Variants in FOXN2 observed in about 807,000 individuals in gnomAD.
FOXN2 encodes the protein forkhead box protein N2.
FOXN2 carries 19 observed loss-of-function variants against 41.2 expected under a neutral mutation model. The ratio of observed to expected loss-of-function variants is 0.46; its 90% CI spans 0.32 to 0.68. FOXN2 has a LOEUF of 0.68. FOXN2 is among the 30% of genes least tolerant of loss of function. FOXN2 has a pLI of 0.03. For missense variants in FOXN2, 587 were observed against 509.4 expected (o/e 1.15, Z -1.47); for synonymous variants, 195 against 176.8 (o/e 1.10, Z -0.82).
chr2:48,317,413 C>T (rs1179497832), intron 1 of FOXN2, among the ~76,000 whole-genome samples: 1 of 149,376 alleles, frequency 6.7e-6, no homozygotes, highest in Non-Finnish European at 1.5e-5. Flanking sequence ...CATGCCACTG[C>T]ACTCCAGCCT....
intron 3 of FOXN2, among the ~76,000 whole-genome samples, chr2:48,356,043 T>G (rs1026775793): frequency 1.3e-5 from 2 of 152,162 alleles, no homozygotes; most frequent in Non-Finnish European, 2.9e-5. Context: ...GACAATCACT[T>G]GAACCCGGAG....
intron 2 of FOXN2, chr2:48,340,653 C>G (rs1670695226): frequency 6.6e-6 from 1 of 152,140 alleles, no homozygotes; most frequent in African/African-American, 2.4e-5. Flanking sequence ...TATTTTTATT[C>G]ATTTTTCTTA....
intron 1 of FOXN2, among the ~76,000 whole-genome samples, chr2:48,318,290 T>C (rs1319174750): frequency 6.6e-6 from 1 of 152,226 alleles, no homozygotes; most frequent in Non-Finnish European, 1.5e-5. Context: ...AATTTCACTT[T>C]CTATGACTTC....
At chr2:48,361,304 A>C (rs1213386080) in intron 4 of FOXN2, among the ~76,000 whole-genome samples, 1 of 151,996 alleles carries the variant, frequency 6.6e-6, no homozygotes, top group African/African-American at 2.4e-5. Flanking sequence ...CGTCTCTACC[A>C]AAAATACAAA....
At chr2:48,352,540 C>T (rs1006099473) in intron 3 of FOXN2, among the ~76,000 whole-genome samples, 17 of 152,068 alleles carry the variant, frequency 1.1e-4, no homozygotes, top group Non-Finnish European at 2.2e-4. Flanking sequence ...CTTAATATGT[C>T]GTCTGTGATC....
chr2:48,358,675 T>C (rs750547329), intron 3 of FOXN2, among the ~76,000 whole-genome samples: 3 of 152,238 alleles, frequency 2.0e-5, no homozygotes, highest in Non-Finnish European at 4.4e-5. Context: ...CATAGAAGAT[T>C]TGATACACGC....
intron 2 of FOXN2, among the ~76,000 whole-genome samples, chr2:48,329,205 C>T (rs1669873996): frequency 6.6e-6 from 1 of 152,092 alleles, no homozygotes; most frequent in African/African-American, 2.4e-5. Flanking sequence ...AATGCTGCAA[C>T]ATTGTGTAGA....
intron 1 of FOXN2, among the ~76,000 whole-genome samples, chr2:48,322,857 CTCTT>C (rs1226163534): frequency 6.7e-6 from 1 of 149,238 alleles, no homozygotes; most frequent in African/African-American, 2.4e-5. Flanking sequence ...CTTTGAGCAT[CTCTT>C]TCAGACTTGC....
At chr2:48,329,427 C>CA (rs1669891437) in intron 2 of FOXN2, among the ~76,000 whole-genome samples, 3 of 151,992 alleles carry the variant, frequency 2.0e-5, no homozygotes. Flanking sequence ...TCCCCCCACT[C>CA]ACTTTTATTT....
intron 2 of FOXN2, among the ~76,000 whole-genome samples, chr2:48,334,289 G>C (rs1218549677): frequency 6.6e-6 from 1 of 152,190 alleles, no homozygotes; most frequent in Non-Finnish European, 1.5e-5. Flanking sequence ...TGTGTGGCCT[G>C]TAGAATGTAT....
chr2:48,357,107 C>G (rs1352519641), intron 3 of FOXN2, among the ~76,000 whole-genome samples: 1 of 152,138 alleles, frequency 6.6e-6, no homozygotes, highest in Non-Finnish European at 1.5e-5. Flanking sequence ...AGTTTTATCT[C>G]TTGTTCATGA....
chr2:48,324,569 A>T (rs987243206), intron 1 of FOXN2, among the ~76,000 whole-genome samples: 7 of 152,058 alleles, frequency 4.6e-5, no homozygotes, highest in South Asian at 2.1e-4. Flanking sequence ...ACAAAACTTG[A>T]TGTGGTATGA....
chr2:48,367,202 A>AT (rs1299184631), intron 5 of FOXN2, among the ~76,000 whole-genome samples: 6 of 152,036 alleles, frequency 3.9e-5, no homozygotes, highest in Non-Finnish European at 5.9e-5. Context: ...GCAGAACGAA[A>AT]TTTTTTTTGG....
chr2:48,320,036 T>G (rs1669194141), intron 1 of FOXN2, among the ~76,000 whole-genome samples: 1 of 152,024 alleles, frequency 6.6e-6, no homozygotes, highest in Admixed American at 6.6e-5. Flanking sequence ...CATTTATATC[T>G]TTGTAGTTTG....
At position 48,375,330 on chromosome 2, in the gene FOXN2, G is replaced by C; in HGVS notation, c.1183G>C (p.Glu395Gln). The C allele has an allele frequency of 6.2e-7, 1 of 1,613,740 alleles. No homozygotes were observed. The highest frequency in any genetic ancestry group is 8.5e-7 in the Non-Finnish European group (1 of 1,179,872). ...MRKQTCQEID[E>Q]ELKEAAGSLL... ...AAAACAGACATGTCAAGAAATTGAT[G>C]AGGAGCTCAAAGAGGCAGCTGGATC... is the stretch of plus-strand genomic sequence containing the variant. The change falls in exon 7 of 7, where the codon GAG becomes CAG. Residue 395 changes from glutamate (E) to glutamine (Q), a missense_variant. Physicochemically the swap from Glu to Gln is conservative, Grantham distance 29. Transcript: ENST00000340553.
At chr2:48,359,574 G>A (rs111584174) in intron 4 of FOXN2, among the ~76,000 whole-genome samples, 11,349 of 151,960 alleles carry the variant, frequency 0.075, 590 homozygotes, top group Non-Finnish European at 0.11. Context: ...GATTACAGGC[G>A]TGAGCCACCA....
At chr2:48,316,470 A>G (rs1186100553) in intron 1 of FOXN2, among the ~76,000 whole-genome samples, 2 of 152,014 alleles carry the variant, frequency 1.3e-5, no homozygotes, top group East Asian at 3.8e-4. Context: ...TTCTTTTTAC[A>G]TAAAAATTGT....
In FOXN2 at chr2:48,377,404, A is replaced by G. The variant is rs779996077; in HGVS notation, c.*1961A>G. 1.3e-5 allele frequency: 2 copies of G among 152,062 alleles called. No homozygotes were observed. Among genetic ancestry groups the G allele is most frequent in the Non-Finnish European group, 2.9e-5 (2 of 67,902 alleles). The allele number at this position is 152,062 out of a possible 1,614,324, so 9.4% of individuals were successfully genotyped here. ...CATAGCCTCTGTATAGACCTTAGGA[A>G]CAGTGTTTCAGTGATCTGGCACCAG... On this transcript the variant is annotated 3_prime_UTR_variant, in exon 7 of 7. Transcript: ENST00000340553.
At position 48,378,209 on chromosome 2, in the gene FOXN2, CTAAATCAGT is replaced by C; in HGVS notation, c.*2769_*2777del. ...TGAAGTTTTTTTGTGCAATATATTA[CTAAATCAGT>C]TATTATTTTACTTTTCCAAATTCAG... On this transcript the variant is annotated 3_prime_UTR_variant, in exon 7 of 7. Coordinates refer to ENST00000340553, the MANE Select transcript of FOXN2 (RefSeq NM_002158.4). The C allele has an allele frequency of 6.6e-6, 1 of 152,204 alleles. No homozygotes were observed. The allele number at this position is 152,204 out of a possible 1,614,324, so 9.4% of individuals were successfully genotyped here.
Sources: gnomAD v4.1 joint callset for allele counts (sites outside exome capture counted in the v4.1 genomes callset) on GRCh38, gnomAD v4.1.1 for gene constraint, MANE v1.5 for transcripts, NCBI Gene and HGNC (gene_info 2026-07-23, HGNC 2026-07-21) for gene names.